The following PDE10A variants were observed in gnomAD, a reference collection of about 807,000 sequenced individuals.
PDE10A encodes phosphodiesterase 10A.
A neutral mutation model predicts 97.7 loss-of-function variants in PDE10A; 39 were observed. That is an observed-to-expected ratio of 0.40 (90% CI 0.31 to 0.52). The LOEUF (loss-of-function observed/expected upper bound fraction) is 0.52, where lower values mean the gene tolerates loss of function less well. Among genes scored for constraint, PDE10A ranks in the 20% least tolerant of loss-of-function variants. The pLI is 0.56. For missense variants in PDE10A, 731 were observed against 1,047.8 expected (o/e 0.70, Z 4.17); for synonymous variants, 371 against 376.8 (o/e 0.98, Z 0.18).
Position 165,327,546 on chromosome 6 carries a change from G to A in PDE10A, c.*5479C>T, listed in dbSNP as rs1378965146. ...GCCTAGATTATAATAAATGATTACT[G>A]TTCTATTATACAAACATAACAGTAA... is the stretch of plus-strand genomic sequence containing the variant. On this transcript the variant is annotated 3_prime_UTR_variant, in exon 22 of 22. Coordinates refer to ENST00000539869, the MANE Select transcript of PDE10A (RefSeq NM_001385079.1). 1 of 152,046 alleles carries A rather than the reference G, an allele frequency of 6.6e-6. No individual in the cohort carries two copies. The highest frequency in any genetic ancestry group is 1.5e-5 in the Non-Finnish European group (1 of 67,992). 9.4% of individuals were successfully genotyped at this position (152,046 alleles called of 1,614,324 possible).
At chr6:165,639,017 A>G (rs1789005149) in intron 1 of PDE10A, among the ~76,000 whole-genome samples, 2 of 134,898 alleles carry the variant, frequency 1.5e-5, no homozygotes, top group South Asian at 5.4e-4. Context: ...ACCAAATGGG[A>G]GGGAAGAAGG....
intron 1 of PDE10A, among the ~76,000 whole-genome samples, chr6:165,669,548 T>G (rs1790589385): frequency 6.6e-6 from 1 of 152,224 alleles, no homozygotes; most frequent in Non-Finnish European, 1.5e-5. Context: ...CCAAGTACAG[T>G]CAATGAGTAC....
At chr6:165,600,245 C>A (rs1165269666) in intron 1 of PDE10A, among the ~76,000 whole-genome samples, 1 of 152,198 alleles carries the variant, frequency 6.6e-6, no homozygotes, top group South Asian at 2.1e-4. Context: ...GGACACACTG[C>A]CAAAACAGCC....
Position 165,428,558 on chromosome 6 carries a change from G to A in PDE10A, c.1653+100C>T. ...TAAGCCACCACATTTTCATAATATT[G>A]AAAGTGCCTGTGGATGAATAAGTTT... On this transcript the variant is annotated intron_variant, in intron 10 of 21. Coordinates refer to ENST00000539869, the MANE Select transcript of PDE10A (RefSeq NM_001385079.1). The A allele has an allele frequency of 6.4e-6, 4 of 622,602 alleles. No individual in the cohort carries two copies. The South Asian group carries it at 8.1e-5, about 13-fold the overall frequency. 38.6% of individuals were successfully genotyped at this position (622,602 alleles called of 1,614,324 possible).
rs145887702 is a variant in PDE10A at position 165,388,517 on chromosome 6, G to A, written c.2455-64C>T. 434 of 1,429,252 alleles carry A rather than the reference G, an allele frequency of 3.0e-4. 2 individuals are homozygous for A. In the East Asian group the frequency reaches 7.6e-3, roughly 25 times the overall value. 88.5% of individuals were successfully genotyped at this position (1,429,252 alleles called of 1,614,324 possible). A position where few individuals can be genotyped will look rare whatever the true frequency, so the allele number is the denominator to read the frequency against. ...AGAAACACACATGAGCAGACTTACC[G>A]CTTACATTCATGTCACATTACTTTC... On this transcript the variant is annotated intron_variant, in intron 16 of 21. Transcript: ENST00000539869. The surrounding 1 kb of genome is among the most constrained non-coding windows in gnomAD (Gnocchi z 4.0).
intron 1 of PDE10A, among the ~76,000 whole-genome samples, chr6:165,921,267 G>A (rs780687840): frequency 4.6e-5 from 7 of 152,210 alleles, no homozygotes; most frequent in Non-Finnish European, 7.3e-5. Flanking sequence ...GGAGGAATGT[G>A]CATCTTAGAT....
upstream of PDE10A, among the ~76,000 whole-genome samples, chr6:165,666,550 A>C (rs1172835464): frequency 6.6e-6 from 1 of 152,198 alleles, no homozygotes; most frequent in East Asian, 1.9e-4. Context: ...GATGTGTCAT[A>C]TCACACAAAC....
chr6:165,542,680 G>T (rs570864191), intron 2 of PDE10A, among the ~76,000 whole-genome samples: 3 of 141,586 alleles, frequency 2.1e-5, no homozygotes, highest in Non-Finnish European at 4.5e-5. Flanking sequence ...GTGCAGTGGC[G>T]CGATCTCGGC....
At chr6:165,575,262 T>C (rs1785245402) in intron 1 of PDE10A, among the ~76,000 whole-genome samples, 1 of 152,192 alleles carries the variant, frequency 6.6e-6, no homozygotes, top group Admixed American at 6.5e-5. Flanking sequence ...AAAAATGCAG[T>C]CATGTCAATT....
chr6:165,810,677 CCTA>C (rs957393438), intron 1 of PDE10A, among the ~76,000 whole-genome samples: 11 of 152,246 alleles, frequency 7.2e-5, no homozygotes, highest in African/African-American at 2.6e-4. Flanking sequence ...CTCCTCTTCC[CCTA>C]CCTTCCTCTC....
chr6:165,623,525 C>T (rs576431253), intron 1 of PDE10A, among the ~76,000 whole-genome samples: 3 of 151,674 alleles, frequency 2.0e-5, no homozygotes, highest in Non-Finnish European at 4.4e-5. Flanking sequence ...AACAGATAAA[C>T]CTAAACATTC....
At chr6:165,354,512 T>C (rs578217449) in intron 18 of PDE10A, among the ~76,000 whole-genome samples, 1 of 152,326 alleles carries the variant, frequency 6.6e-6, no homozygotes, top group East Asian at 1.9e-4. Flanking sequence ...TCGGCACAGA[T>C]GGGAATTCAG....
chr6:165,776,767 C>T (rs1362694502), intron 1 of PDE10A, among the ~76,000 whole-genome samples: 6 of 152,194 alleles, frequency 3.9e-5, no homozygotes, highest in African/African-American at 9.6e-5. Context: ...TTGAGAAGCT[C>T]AGTGAGGGCC....
At chr6:165,772,753 G>T (rs1014435388) in intron 1 of PDE10A, among the ~76,000 whole-genome samples, 1 of 152,166 alleles carries the variant, frequency 6.6e-6, no homozygotes, top group African/African-American at 2.4e-5. Flanking sequence ...TTTGGGGGCG[G>T]GGTGGGGGAG....
At chr6:165,714,677 G>A (rs1180099371) in intron 1 of PDE10A, among the ~76,000 whole-genome samples, 1 of 152,180 alleles carries the variant, frequency 6.6e-6, no homozygotes, top group East Asian at 1.9e-4. Flanking sequence ...TTCAGTCAGG[G>A]AAACAGGAAC....
chr6:165,428,751 T>C, intron 9 of PDE10A, 42 bp from the exon 10 acceptor site: 2 of 774,608 alleles, frequency 2.6e-6, no homozygotes, highest in South Asian at 1.6e-5. Context: ...ATTTCATTAG[T>C]TCACAGTACA....
intron 1 of PDE10A, among the ~76,000 whole-genome samples, chr6:165,719,953 A>G (rs1792124244): frequency 6.6e-6 from 1 of 152,224 alleles, no homozygotes; most frequent in Non-Finnish European, 1.5e-5. Context: ...AATAATCATG[A>G]TCTCATCACA....
intron 1 of PDE10A, among the ~76,000 whole-genome samples, chr6:165,677,938 G>A (rs890640113): frequency 4.6e-5 from 7 of 151,832 alleles, no homozygotes; most frequent in African/African-American, 1.7e-4. Flanking sequence ...ATCTGTATTT[G>A]TATATCCGTG....
intron 1 of PDE10A, among the ~76,000 whole-genome samples, chr6:165,578,239 A>G (rs1176963664): frequency 7.1e-6 from 1 of 141,454 alleles, no homozygotes; most frequent in Non-Finnish European, 1.5e-5. Context: ...GGATGGCTGC[A>G]CTCTCAAGAG....
Sources: gnomAD v4.1 joint callset for allele counts (sites outside exome capture counted in the v4.1 genomes callset) on GRCh38, gnomAD v4.1.1 for gene constraint, Gnocchi (gnomAD v3.1) non-coding constraint, MANE v1.5 for transcripts, NCBI Gene and HGNC (gene_info 2026-07-23, HGNC 2026-07-21) for gene names.